SCAF11: variants seen among roughly 807,000 people sequenced by gnomAD.
SCAF11 encodes the protein protein SCAF11.
A neutral mutation model predicts 140.5 loss-of-function variants in SCAF11; 47 were observed. The observed-to-expected ratio is 0.33, with a 90% confidence interval of 0.26 to 0.43. The LOEUF (loss-of-function observed/expected upper bound fraction) is 0.43. SCAF11 is among the 20% of genes least tolerant of loss of function. The probability of loss-of-function intolerance (pLI) is 1.00; values close to 1 mark genes in which losing one functional copy is unlikely to be tolerated. For synonymous variants in SCAF11, 557 were observed against 579.4 expected (o/e 0.96, Z 0.55); for missense variants, 1,645 against 1,705.1 (o/e 0.96, Z 0.62).
At chr12:45,949,700 G>A (rs1191200770) in intron 4 of SCAF11, among the ~76,000 whole-genome samples, 1 of 152,134 alleles carries the variant, frequency 6.6e-6, no homozygotes, top group East Asian at 1.9e-4. Context: ...AACAACTGGG[G>A]CTGGGGAAAG....
At chr12:45,945,050 G>A (rs1408220328) in intron 6 of SCAF11, 199 bp downstream of exon 6, 1 of 540,498 alleles carries the variant, frequency 1.9e-6, no homozygotes, top group South Asian at 2.5e-5. Flanking sequence ...CCTTTTAAGA[G>A]GAGCAAGAAG....
At chr12:45,980,728 T>C (rs917841132) in intron 1 of SCAF11, among the ~76,000 whole-genome samples, 8 of 152,190 alleles carry the variant, frequency 5.3e-5, no homozygotes, top group Non-Finnish European at 7.3e-5. Context: ...AAATAGCAGC[T>C]AACTCTATGT....
At chr12:45,932,003 T>C (rs573972002) in intron 9 of SCAF11, among the ~76,000 whole-genome samples, 1 of 152,104 alleles carries the variant, frequency 6.6e-6, no homozygotes, top group Non-Finnish European at 1.5e-5. Flanking sequence ...ATGCAGACTT[T>C]AAGCGTACAT....
chr12:45,947,304 AAT>A (rs2136565144), intron 5 of SCAF11, among the ~76,000 whole-genome samples: 1 of 152,278 alleles, frequency 6.6e-6, no homozygotes, highest in African/African-American at 2.4e-5. Flanking sequence ...TTACCTCAAA[AAT>A]GTGTTAAACA....
At chr12:45,988,996 AAAC>A (rs1341625965) in intron 1 of SCAF11, among the ~76,000 whole-genome samples, 5 of 152,228 alleles carry the variant, frequency 3.3e-5, no homozygotes, top group Admixed American at 6.5e-5. Flanking sequence ...TGCTTAGTTA[AAAC>A]AACAAAAACA....
chr12:45,971,639 G>C (rs1296201588), intron 1 of SCAF11, among the ~76,000 whole-genome samples: 3 of 152,274 alleles, frequency 2.0e-5, no homozygotes, highest in South Asian at 4.1e-4. Flanking sequence ...AGGTGGGTAA[G>C]GGGGAGGGGA....
chr12:45,971,639 G>T (rs1296201588), intron 1 of SCAF11, among the ~76,000 whole-genome samples: 1 of 152,156 alleles, frequency 6.6e-6, no homozygotes, highest in Non-Finnish European at 1.5e-5. Context: ...AGGTGGGTAA[G>T]GGGGAGGGGA....
chr12:45,956,858 A>G (rs897424922), intron 3 of SCAF11, among the ~76,000 whole-genome samples: 3 of 152,212 alleles, frequency 2.0e-5, no homozygotes, highest in Non-Finnish European at 4.4e-5. Context: ...TAAACAGAGT[A>G]CTTAAATTCT....
At chr12:45,934,739 T>C (rs1451350116) in intron 6 of SCAF11, among the ~76,000 whole-genome samples, 2 of 152,238 alleles carry the variant, frequency 1.3e-5, no homozygotes, top group Non-Finnish European at 2.9e-5. Context: ...GGGTGAAGTA[T>C]GTCAAACCTG....
chr12:45,932,982 T>C, intron 9 of SCAF11, 149 bp downstream of exon 9: 1 of 564,824 alleles, frequency 1.8e-6, no homozygotes, highest in Non-Finnish European at 3.1e-6. Context: ...TAGCAATCTT[T>C]ATTGGGCATT....
intron 1 of SCAF11, among the ~76,000 whole-genome samples, chr12:45,990,096 C>G (rs1315217043): frequency 2.0e-5 from 3 of 150,056 alleles, no homozygotes; most frequent in Non-Finnish European, 4.5e-5. Context: ...CGGCGGCGGC[C>G]CAGGGCCGGG....
intron 1 of SCAF11, among the ~76,000 whole-genome samples, chr12:45,980,599 C>T (rs537675824): frequency 6.6e-6 from 1 of 152,106 alleles, no homozygotes; most frequent in Non-Finnish European, 1.5e-5. Flanking sequence ...ACTAAACGGC[C>T]TAATACACAA....
At chr12:45,966,324 T>C (rs756101310) in intron 1 of SCAF11, among the ~76,000 whole-genome samples, 2 of 151,840 alleles carry the variant, frequency 1.3e-5, no homozygotes, top group Admixed American at 6.6e-5. Context: ...AAAGGCCCAG[T>C]GATCTTTTGT....
At chr12:45,933,929 CT>C (rs1945112148) in intron 8 of SCAF11, among the ~76,000 whole-genome samples, 2 of 152,142 alleles carry the variant, frequency 1.3e-5, no homozygotes, top group South Asian at 4.1e-4. Flanking sequence ...TATAGAACAA[CT>C]TATTAATGAA....
intron 5 of SCAF11, among the ~76,000 whole-genome samples, chr12:45,946,607 G>C (rs1160364703): frequency 6.6e-6 from 1 of 151,490 alleles, no homozygotes; most frequent in African/African-American, 2.4e-5. Context: ...TACACCCTTG[G>C]CAAGAGCCAA....
At chr12:45,924,650 T>C (rs1360873023) in intron 12 of SCAF11, 78 bp downstream of exon 12, 11 of 1,207,050 alleles carry the variant, frequency 9.1e-6, no homozygotes, top group Non-Finnish European at 1.3e-5. Context: ...CCAGGATGCC[T>C]TTTTTTGAAC....
At position 45,947,837 on chromosome 12, in the gene SCAF11, C is replaced by T. The variant is rs896613634; in HGVS notation, c.398+600G>A. Among the ~76,000 whole-genome samples, 13 of 152,018 alleles carry T rather than the reference C, an allele frequency of 8.6e-5. No individual in the cohort carries two copies. In the East Asian group the frequency reaches 1.3e-3, roughly 16 times the overall value. On this transcript the variant is annotated intron_variant, in intron 5 of 14. Transcript: ENST00000369367. ...AACTGCAGCCATGTGTCACCATGCC[C>T]GGCTAATCTGTAAATTTTTAGTAGA...
intron 10 of SCAF11, among the ~76,000 whole-genome samples, chr12:45,930,639 C>T (rs971508001): frequency 6.6e-6 from 1 of 151,988 alleles, no homozygotes; most frequent in Non-Finnish European, 1.5e-5. Flanking sequence ...TTTAATTTTA[C>T]ACAGCTATGA....
intron 3 of SCAF11, among the ~76,000 whole-genome samples, chr12:45,954,474 C>G (rs1257100923): frequency 6.6e-6 from 1 of 151,928 alleles, no homozygotes; most frequent in Non-Finnish European, 1.5e-5. Flanking sequence ...TGGGCTTAAG[C>G]GATCAACCTG....
Sources: allele counts gnomAD v4.1 joint callset (sites outside exome capture counted in the v4.1 genomes callset), GRCh38; gene constraint gnomAD v4.1.1; transcripts MANE v1.5; gene names NCBI Gene and HGNC (gene_info 2026-07-23, HGNC 2026-07-21).